The following BCAS3 variants were observed in gnomAD, a reference collection of about 807,000 sequenced individuals.
The protein encoded by BCAS3 is BCAS4/BCAS3 fusion.
Under a neutral mutation model 116.1 loss-of-function variants are expected in BCAS3, and 53 were observed. The observed-to-expected ratio is 0.46, with a 90% CI of 0.37 to 0.57. BCAS3 has a LOEUF of 0.57. BCAS3 is among the 20% of genes least tolerant of loss of function. The probability of loss-of-function intolerance (pLI) is 0.00; values close to 1 mark genes in which losing one functional copy is unlikely to be tolerated. For missense variants in BCAS3, 917 were observed against 1,165.4 expected (o/e 0.79, Z 3.10); for synonymous variants, 391 against 408.2 (o/e 0.96, Z 0.51).
intron 22 of BCAS3, among the ~76,000 whole-genome samples, chr17:61,152,076 A>C (rs970257976): frequency 1.3e-5 from 2 of 152,158 alleles, no homozygotes; most frequent in African/African-American, 4.8e-5. Context: ...AAGACCGTGG[A>C]CCTTGGCAGT....
Position 61,078,427 on chromosome 17 carries a change from T to C in BCAS3, c.2225T>C (p.Val742Ala). 1 of 1,614,172 alleles carries C rather than the reference T, an allele frequency of 6.2e-7. No homozygotes were observed. The highest frequency in any genetic ancestry group is 8.5e-7 in the Non-Finnish European group (1 of 1,180,004). The change falls in exon 21 of 24, where the codon GTT (valine) becomes GCT (alanine). Residue 742 changes from valine (V) to alanine (A), a missense_variant. Around this residue, in one of 3 missense-constraint regions of BCAS3, gnomAD observed 807 missense variants for 1,026.0 expected, o/e 0.79. Coordinates refer to ENST00000407086, the MANE Select transcript of BCAS3 (RefSeq NM_017679.5). ...ATCCATCCCTCAGGCCAAACCACAG[T>C]TATCTCATCCAGTTCATCTGTGTTG... ...KTIHPSGQTT[V>A]ISSSSSVLQS...
chr17:61,025,397 C>A (rs540089430), intron 16 of BCAS3, among the ~76,000 whole-genome samples: 2 of 152,118 alleles, frequency 1.3e-5, no homozygotes. Context: ...CAGATCCCAG[C>A]CAGACCCACA....
intron 4 of BCAS3, among the ~76,000 whole-genome samples, chr17:60,693,251 T>C (rs1452222753): frequency 6.6e-6 from 1 of 151,906 alleles, no homozygotes; most frequent in Non-Finnish European, 1.5e-5. Context: ...TATTCTGACA[T>C]TTTTCTGTCA....
In BCAS3 at chr17:61,248,539, A is replaced by G. The variant is rs1000676475; in HGVS notation, c.2426-119788A>G. Reference sequence around the variant, plus strand: ...CTTGGGAGGAGGGGTAATATACAAGATTAGAGTGCAAAGTCCATCTGGTGA... The same window carrying G: ...CTTGGGAGGAGGGGTAATATACAAGGTTAGAGTGCAAAGTCCATCTGGTGA... On this transcript the variant is annotated intron_variant, in intron 22 of 23. Coordinates refer to ENST00000407086, the MANE Select transcript of BCAS3 (RefSeq NM_017679.5). This position sits in a 1 kb window ranked among gnomAD's most constrained non-coding sequence, Gnocchi z 4.3. 2.0e-5 allele frequency among the ~76,000 whole-genome samples: 3 copies of G among 152,128 alleles called. No homozygotes were observed. The highest frequency in any genetic ancestry group is 6.5e-5 in the Admixed American group (1 of 15,272).
At chr17:61,042,891 C>CAAAAAAAAAAAAAAAAAA (rs35629825) in intron 19 of BCAS3, among the ~76,000 whole-genome samples, 16 of 58,290 alleles carry the variant, frequency 2.7e-4, no homozygotes, top group African/African-American at 8.3e-4. Context: ...CTCCATCTCA[C>CAAAAAAAAAAAAAAAAAA]AAAAAAAAAA....
At position 61,187,844 on chromosome 17, in the gene BCAS3, C is replaced by T. The variant is rs375069354; in HGVS notation, c.2425+103280C>T. 9.3e-5 allele frequency among the ~76,000 whole-genome samples: 14 copies of T among 150,966 alleles called. No individual in the cohort carries two copies. The East Asian group carries it at 2.5e-3, about 27-fold the overall frequency. ...TTTTTTTTTCTTTCTTTCTTTCTTT[C>T]GTTTTAACAGATTTCCTCCATTTGT... On this transcript the variant is annotated intron_variant, in intron 22 of 23. Coordinates refer to ENST00000407086, the MANE Select transcript of BCAS3 (RefSeq NM_017679.5).
chr17:61,280,706 G>A (rs2051163199), intron 22 of BCAS3, among the ~76,000 whole-genome samples: 1 of 152,192 alleles, frequency 6.6e-6, no homozygotes, highest in African/African-American at 2.4e-5. Context: ...GCATTGTTGT[G>A]TGTGTGTTCA....
rs990422437 is a variant in BCAS3, at chr17:60,990,333, A to G, written c.1486+98A>G. On this transcript the variant is annotated intron_variant, in intron 15 of 23. Transcript: ENST00000407086. This position sits in a 1 kb window ranked among gnomAD's most constrained non-coding sequence, Gnocchi z 5.1. ...AAACTAAACTTGTTATAGTCTGTTCATGTAAAAAGAAGATCTTAGGCTTAT... is the reference window on the plus strand; with the variant it reads ...AAACTAAACTTGTTATAGTCTGTTCGTGTAAAAAGAAGATCTTAGGCTTAT... The G allele has an allele frequency of 4.6e-6, 6 of 1,301,870 alleles. No homozygotes were observed. Among genetic ancestry groups the G allele is most frequent in the South Asian group, 3.0e-5 (2 of 67,514 alleles). 80.6% of individuals were successfully genotyped at this position (1,301,870 alleles called of 1,614,324 possible). A position where few individuals can be genotyped will look rare whatever the true frequency, so the allele number is the denominator to read the frequency against.
rs2061367651 is a variant in BCAS3 at position 60,960,674 on chromosome 17, A to G, written c.1221+13322A>G. ...CACATCTCTGCCCTTGGAGTCATTC[A>G]TACATTTTATTGAAGGGTAGCACAG... is the stretch of plus-strand genomic sequence containing the variant. On this transcript the variant is annotated intron_variant, in intron 14 of 23. Transcript: ENST00000407086. The surrounding 1 kb of genome is among the most constrained non-coding windows in gnomAD (Gnocchi z 4.1). Among the ~76,000 whole-genome samples, 1 of 151,908 alleles carries G rather than the reference A, an allele frequency of 6.6e-6. No individual in the cohort carries two copies.
intron 6 of BCAS3, among the ~76,000 whole-genome samples, chr17:60,770,739 A>G (rs1409828055): frequency 6.7e-6 from 1 of 149,882 alleles, no homozygotes; most frequent in Non-Finnish European, 1.5e-5. Flanking sequence ...GTCTATTTGA[A>G]GTGTGAATAT....
At chr17:60,864,995 G>A (rs1227978029) in intron 7 of BCAS3, among the ~76,000 whole-genome samples, 4 of 152,018 alleles carry the variant, frequency 2.6e-5, no homozygotes, top group Non-Finnish European at 4.4e-5. Flanking sequence ...CCAGTATGTG[G>A]TGCCCCAAAA....
chr17:61,038,182 A>C lies in BCAS3; in HGVS notation c.1928+128A>C, dbSNP rs181121664. The C allele has an allele frequency of 2.0e-4, 157 of 770,904 alleles. No homozygotes were observed. The African/African-American group carries it at 2.7e-3, about 13-fold the overall frequency. 47.8% of individuals were successfully genotyped at this position (770,904 alleles called of 1,614,324 possible). A position where few individuals can be genotyped will look rare whatever the true frequency, so the allele number is the denominator to read the frequency against. On this transcript the variant is annotated intron_variant, in intron 18 of 23. Transcript: ENST00000407086. ...CATCACCACAATTAACATGGTAAAC[A>C]AATACATCACTCTCAAATGTTTCTT...
rs1481504117 is a variant in BCAS3 at position 61,008,651 on chromosome 17, C to G, written c.1487-7100C>G. 6.6e-6 allele frequency among the ~76,000 whole-genome samples: 1 copy of G among 150,470 alleles called. No homozygotes were observed. Among genetic ancestry groups the G allele is most frequent in the Non-Finnish European group, 1.5e-5 (1 of 67,660 alleles). ...CCACAGCAAGATATTAAAAACAGTC[C>G]AAAAGCTTTGCTCTTCTGTAGAAGA... On this transcript the variant is annotated intron_variant, in intron 15 of 23. Coordinates refer to ENST00000407086, the MANE Select transcript of BCAS3 (RefSeq NM_017679.5). This position sits in a 1 kb window ranked among gnomAD's most constrained non-coding sequence, Gnocchi z 4.6.
rs1421423329 is a variant in BCAS3, at chr17:61,196,361, G to A, written c.2425+111797G>A. On this transcript the variant is annotated intron_variant, in intron 22 of 23. Coordinates refer to ENST00000407086, the MANE Select transcript of BCAS3 (RefSeq NM_017679.5). This position sits in a 1 kb window ranked among gnomAD's most constrained non-coding sequence, Gnocchi z 4.7. ...TAGCGCGTAAAGCTGTTTGCATAGC[G>A]TGCTAACTCTATCAGGGTCATTTCC... is the stretch of plus-strand genomic sequence containing the variant. Among the ~76,000 whole-genome samples, 2 of 152,220 alleles carry A rather than the reference G, an allele frequency of 1.3e-5. No individual in the cohort carries two copies. Among genetic ancestry groups the A allele is most frequent in the South Asian group, 2.1e-4 (1 of 4,826 alleles).
chr17:60,724,041 T>G (rs1179090776), intron 5 of BCAS3, among the ~76,000 whole-genome samples: 1 of 151,724 alleles, frequency 6.6e-6, no homozygotes, highest in African/African-American at 2.4e-5. Flanking sequence ...TTTCTTAAAA[T>G]TTTCTTTTGA....
chr17:60,708,820 G>A (rs775988027), intron 4 of BCAS3, among the ~76,000 whole-genome samples: 2 of 152,070 alleles, frequency 1.3e-5, no homozygotes, highest in Non-Finnish European at 1.5e-5. Flanking sequence ...GAGCCACCGG[G>A]CCCAGCCTAT....
At chr17:60,701,722 G>A (rs971958867) in intron 4 of BCAS3, among the ~76,000 whole-genome samples, 7 of 151,952 alleles carry the variant, frequency 4.6e-5, no homozygotes, top group Non-Finnish European at 8.8e-5. Context: ...TACTTTGGGA[G>A]GCCGAGGCAG....
Position 61,038,062 on chromosome 17 carries a change from C to A in BCAS3, c.1928+8C>A. ...CAGCTGGACTCTGGTTAGGTAGTAC[C>A]TCTTTTCTTTTTTTCTTTTTAACAG... On this transcript the variant is annotated splice_region_variant and intron_variant, in intron 18 of 23. Transcript: ENST00000407086. 1.2e-6 allele frequency: 2 copies of A among 1,605,036 alleles called. No individual in the cohort carries two copies. The highest frequency in any genetic ancestry group is 1.7e-6 in the Non-Finnish European group (2 of 1,177,136).
chr17:61,017,288 C>A lies in BCAS3; in HGVS notation c.1637+1387C>A, dbSNP rs1230604276. On this transcript the variant is annotated intron_variant, in intron 16 of 23. Coordinates refer to ENST00000407086, the MANE Select transcript of BCAS3 (RefSeq NM_017679.5). This position sits in a 1 kb window ranked among gnomAD's most constrained non-coding sequence, Gnocchi z 4.7. ...ATATTACATTCCTGGGATGTAGAAT[C>A]AAAAATGGGACTAAATCTGGAATCA... Among the ~76,000 whole-genome samples, 8 of 151,898 alleles carry A rather than the reference C, an allele frequency of 5.3e-5. No individual in the cohort carries two copies. Among genetic ancestry groups the A allele is most frequent in the Admixed American group, 5.2e-4 (8 of 15,244 alleles).
Sources: allele counts gnomAD v4.1 joint callset (sites outside exome capture counted in the v4.1 genomes callset), GRCh38; gene constraint gnomAD v4.1.1; regional missense constraint gnomAD v4.1.1; non-coding constraint Gnocchi (gnomAD v3.1); transcripts MANE v1.5; gene names NCBI Gene and HGNC (gene_info 2026-07-23, HGNC 2026-07-21).